FBXW7: variants seen among roughly 807,000 people sequenced by gnomAD.
FBXW7 encodes F-box/WD repeat-containing protein 7.
Under a neutral mutation model 86.3 loss-of-function variants are expected in FBXW7, and 11 were observed. The ratio of observed to expected loss-of-function variants is 0.13; its 90% CI spans 0.08 to 0.21. The LOEUF is 0.21. Among genes scored for constraint, FBXW7 ranks in the 10% least tolerant of loss-of-function variants. The pLI, the probability that FBXW7 is intolerant of heterozygous loss-of-function variation, is 1.00. For synonymous variants in FBXW7, 313 were observed against 297.9 expected (o/e 1.05, Z -0.52); for missense variants, 488 against 847.4 (o/e 0.58, Z 5.27).
chr4:152,330,967 T>C, intron 8 of FBXW7, 99 bp from the exon 9 acceptor site: 1 of 1,196,948 alleles, frequency 8.4e-7, no homozygotes, highest in Non-Finnish European at 1.2e-6. Context: ...TCCATCTCTC[T>C]GCTCAAAACC....
intron 6 of FBXW7, among the ~76,000 whole-genome samples, chr4:152,341,045 G>T (rs1730688200): frequency 6.6e-6 from 1 of 152,088 alleles, no homozygotes; most frequent in Non-Finnish European, 1.5e-5. Flanking sequence ...ACTGGATTGA[G>T]CTACCAGTAT....
At chr4:152,519,889 T>C (rs1347541211) in intron 2 of FBXW7, among the ~76,000 whole-genome samples, 1 of 152,194 alleles carries the variant, frequency 6.6e-6, no homozygotes, top group Non-Finnish European at 1.5e-5. Context: ...AAAATTCCGA[T>C]GTGTTCTTGG....
chr4:152,454,760 G>C (rs1348964545), intron 2 of FBXW7, among the ~76,000 whole-genome samples: 1 of 151,986 alleles, frequency 6.6e-6, no homozygotes, highest in Non-Finnish European at 1.5e-5. Context: ...GAATGCAGAA[G>C]AAAAAGATAT....
intron 2 of FBXW7, among the ~76,000 whole-genome samples, chr4:152,491,399 G>C (rs559072048): frequency 5.5e-4 from 84 of 152,250 alleles, no homozygotes; most frequent in Middle Eastern, 3.4e-3. Context: ...TTAGTCTAGT[G>C]TAGAGGTTGA....
chr4:152,508,568 A>T (rs1362412406), intron 2 of FBXW7, among the ~76,000 whole-genome samples: 1 of 151,626 alleles, frequency 6.6e-6, no homozygotes, highest in African/African-American at 2.4e-5. Flanking sequence ...GTGCACCTGC[A>T]GTCCCAGCTA....
At chr4:152,522,582 C>G (rs1201638117) in intron 2 of FBXW7, among the ~76,000 whole-genome samples, 1 of 152,026 alleles carries the variant, frequency 6.6e-6, no homozygotes, top group Non-Finnish European at 1.5e-5. Context: ...TGGATGCTGT[C>G]CTATACCTTG....
intron 5 of FBXW7, among the ~76,000 whole-genome samples, chr4:152,348,437 A>G (rs1233723422): frequency 6.6e-6 from 1 of 152,048 alleles, no homozygotes; most frequent in African/African-American, 2.4e-5. Context: ...CCAAATATAT[A>G]CCTTCCTAAC....
intron 4 of FBXW7, among the ~76,000 whole-genome samples, chr4:152,363,231 C>T (rs538580625): frequency 6.6e-6 from 1 of 152,116 alleles, no homozygotes; most frequent in Admixed American, 6.5e-5. Context: ...AACAATAAAA[C>T]AAGAGGGAGA....
At chr4:152,435,753 G>T (rs116458055) in intron 2 of FBXW7, among the ~76,000 whole-genome samples, 2,602 of 152,236 alleles carry the variant, frequency 0.017, 50 homozygotes, top group East Asian at 0.042. Context: ...TTAAAAATTG[G>T]AAGTTTGTGG....
chr4:152,382,924 ATATAT>A (rs1313937546), intron 4 of FBXW7, among the ~76,000 whole-genome samples: 2 of 152,006 alleles, frequency 1.3e-5, no homozygotes, highest in Admixed American at 6.6e-5. Context: ...TCTACCTTAG[ATATAT>A]TATAATGAGC....
intron 7 of FBXW7, among the ~76,000 whole-genome samples, chr4:152,335,203 G>A (rs922400320): frequency 2.6e-5 from 4 of 152,100 alleles, no homozygotes; most frequent in African/African-American, 9.7e-5. Context: ...GATGGTATTA[G>A]GAAGTGAGGT....
intron 4 of FBXW7, among the ~76,000 whole-genome samples, chr4:152,399,549 A>G (rs1348600548): frequency 6.6e-6 from 1 of 152,180 alleles, no homozygotes; most frequent in East Asian, 1.9e-4. Context: ...GGCACATGAC[A>G]TGACCCTCTA....
At chr4:152,461,232 G>A (rs555005616) in intron 2 of FBXW7, among the ~76,000 whole-genome samples, 1 of 152,104 alleles carries the variant, frequency 6.6e-6, no homozygotes, top group Non-Finnish European at 1.5e-5. Context: ...CAGCCTGGGC[G>A]ACGGAGCAAG....
chr4:152,342,101 C>G (rs1730802940), intron 6 of FBXW7, among the ~76,000 whole-genome samples: 3 of 151,396 alleles, frequency 2.0e-5, no homozygotes, highest in African/African-American at 7.3e-5. Context: ...CATGTTGGAA[C>G]ACATTGAAAG....
Position 152,427,045 on chromosome 4 carries a change from G to GT in FBXW7, c.-119-14517dup, listed in dbSNP as rs1739451950. 2.0e-5 allele frequency among the ~76,000 whole-genome samples: 3 copies of GT among 152,166 alleles called. No homozygotes were observed. The South Asian group carries it at 6.2e-4, about 32-fold the overall frequency. On this transcript the variant is annotated intron_variant, in intron 2 of 13. Coordinates refer to ENST00000281708, the MANE Select transcript of FBXW7 (RefSeq NM_001349798.2). ...CTCTTTGAGAAAAACAAATAGGATGGTGACGGAGTTTAAAGTCATGCCACA... is the reference window on the plus strand; with the variant it reads ...CTCTTTGAGAAAAACAAATAGGATGGTTGACGGAGTTTAAAGTCATGCCACA...
intron 6 of FBXW7, among the ~76,000 whole-genome samples, chr4:152,343,943 C>T (rs1191021482): frequency 6.6e-6 from 1 of 151,824 alleles, no homozygotes; most frequent in East Asian, 1.9e-4. Flanking sequence ...AAACAGAATA[C>T]AGAGTACTTT....
chr4:152,387,791 C>A (rs1411835417), intron 4 of FBXW7, among the ~76,000 whole-genome samples: 1 of 148,992 alleles, frequency 6.7e-6, no homozygotes, highest in East Asian at 2.0e-4. Flanking sequence ...TCACTGCAAC[C>A]TCCGCCTCCC....
At chr4:152,498,937 T>C (rs1041915422) in intron 2 of FBXW7, among the ~76,000 whole-genome samples, 2 of 152,208 alleles carry the variant, frequency 1.3e-5, no homozygotes, top group Admixed American at 1.3e-4. Flanking sequence ...ATTTTGACGA[T>C]AAATAAAATC....
intron 4 of FBXW7, among the ~76,000 whole-genome samples, chr4:152,363,871 C>T (rs756232192): frequency 3.3e-5 from 5 of 152,062 alleles, no homozygotes; most frequent in Non-Finnish European, 7.4e-5. Flanking sequence ...GGGATTTGAA[C>T]CTAAGGAAGT....
Sources: allele counts gnomAD v4.1 joint callset (sites outside exome capture counted in the v4.1 genomes callset), GRCh38; gene constraint gnomAD v4.1.1; transcripts MANE v1.5; gene names NCBI Gene and HGNC (gene_info 2026-07-23, HGNC 2026-07-21).